COL5A1: variants seen among roughly 807,000 people sequenced by gnomAD.
COL5A1 encodes collagen alpha-1(V) chain.
Under a neutral mutation model 263.7 loss-of-function variants are expected in COL5A1, and 16 were observed. The observed-to-expected ratio is 0.06, with a 90% CI of 0.04 to 0.09. The LOEUF is 0.09. Ranked by LOEUF, COL5A1 falls within the 10% of genes least tolerant of loss-of-function variation. The pLI, the probability that COL5A1 is intolerant of heterozygous loss-of-function variation, is 1.00. For missense variants in COL5A1, 2,036 were observed against 2,540.5 expected, an observed-to-expected ratio of 0.80 and a Z score of 4.27; for synonymous variants, 1,012 against 1,004.5, an observed-to-expected ratio of 1.01 and a Z score of -0.14.
chr9:134,779,768 A>G (rs114380439), intron 27 of COL5A1, among the ~76,000 whole-genome samples: 1 of 152,174 alleles, frequency 6.6e-6, no homozygotes. Context: ...GGGTGTTTCT[A>G]GAAGATGATG....
intron 1 of COL5A1, among the ~76,000 whole-genome samples, chr9:134,690,030 C>G (rs546540442): frequency 1.3e-5 from 2 of 152,240 alleles, no homozygotes; most frequent in South Asian, 2.1e-4. Context: ...GAAGGAGGCT[C>G]TGGCAGATGG....
At chr9:134,810,349 CG>C in intron 44 of COL5A1, 41 bp downstream of exon 44, 1 of 1,600,008 alleles carries the variant, frequency 6.2e-7, no homozygotes. Flanking sequence ...CCCCAGGTCC[CG>C]GGGGGCCTCG....
intron 2 of COL5A1, among the ~76,000 whole-genome samples, chr9:134,693,272 G>A (rs573794542): frequency 1.3e-3 from 198 of 152,200 alleles, no homozygotes; most frequent in African/African-American, 4.6e-3. Context: ...GCAGTGAGCC[G>A]AGATCGCGCC....
rs752571770 is a variant in COL5A1 at position 134,822,719 on chromosome 9, C to T, written c.4609-279C>T. ...AGCCAGGACATGCTCTTTTCCGCTG[C>T]GCCCCCCCCGCGGCTGTCTGAGCTG... On this transcript the variant is annotated intron_variant, in intron 59 of 65. Transcript: ENST00000371817. Among the ~76,000 whole-genome samples the T allele has an allele frequency of 2.2e-4, 13 of 60,424 alleles. No homozygotes were observed. The East Asian group carries it at 2.5e-3, about 12-fold the overall frequency. The allele number at this position is 60,424 out of a possible 152,430, so 39.6% of individuals were successfully genotyped here.
At chr9:134,747,547 G>C (rs992261161) in intron 11 of COL5A1, among the ~76,000 whole-genome samples, 1 of 146,814 alleles carries the variant, frequency 6.8e-6, no homozygotes, top group Non-Finnish European at 1.5e-5. Flanking sequence ...ACACACACCT[G>C]CATATGCATG....
chr9:134,731,687 CCGGG>C, intron 8 of COL5A1, 24 bp downstream of exon 8: 1 of 1,599,288 alleles, frequency 6.3e-7, no homozygotes, highest in Non-Finnish European at 8.5e-7. Flanking sequence ...GGCCCCCGTT[CCGGG>C]TGGGGTTGGG....
chr9:134,808,492 C>T (rs1412957422), intron 42 of COL5A1, among the ~76,000 whole-genome samples: 1 of 152,176 alleles, frequency 6.6e-6, no homozygotes, highest in Non-Finnish European at 1.5e-5. Context: ...CGTGCATACT[C>T]ATGTATGCAT....
At chr9:134,782,539 C>A (rs367595529) in intron 28 of COL5A1, 128 bp from the exon 29 acceptor site, 2 of 878,826 alleles carry the variant, frequency 2.3e-6, no homozygotes, top group Admixed American at 1.7e-5. Context: ...CCACCCCGTC[C>A]GGGCCATGTG....
Position 134,712,960 on chromosome 9 carries a change from G to A in COL5A1, c.654+11627G>A, listed in dbSNP as rs113997722. Among the ~76,000 whole-genome samples the A allele has an allele frequency of 9.2e-3, 1,408 of 152,224 alleles. 19 individuals are homozygous for A. The highest frequency in any genetic ancestry group is 0.028 in the African/African-American group (1,154 of 41,540). ...CTGTGGGTGACCAGGCTGCAGCCGGGGACTCCCAGCACTCCTGGAGCCCTG... is the reference window on the plus strand; with the variant it reads ...CTGTGGGTGACCAGGCTGCAGCCGGAGACTCCCAGCACTCCTGGAGCCCTG... On this transcript the variant is annotated intron_variant, in intron 4 of 65. Transcript: ENST00000371817.
At chr9:134,685,086 A>ATCCGTTCAT (rs1209089051) in intron 1 of COL5A1, among the ~76,000 whole-genome samples, 1 of 41,328 alleles carries the variant, frequency 2.4e-5, no homozygotes, top group African/African-American at 8.4e-5. Flanking sequence ...CCATCCACCC[A>ATCCGTTCAT]CCATCCATCC....
intron 1 of COL5A1, among the ~76,000 whole-genome samples, chr9:134,655,843 T>C (rs1481543127): frequency 6.6e-6 from 1 of 152,176 alleles, no homozygotes; most frequent in Non-Finnish European, 1.5e-5. Context: ...TCAGAGCCTC[T>C]GGCACCTGCA....
chr9:134,714,445 T>G (rs1296819572), intron 4 of COL5A1, among the ~76,000 whole-genome samples: 1 of 20,582 alleles, frequency 4.9e-5, no homozygotes, highest in Non-Finnish European at 1.2e-4. Context: ...TGGTGGTGGA[T>G]ATGCTGATGA....
intron 48 of COL5A1, among the ~76,000 whole-genome samples, chr9:134,813,179 G>A (rs986250013): frequency 7.2e-5 from 11 of 151,850 alleles, no homozygotes; most frequent in Admixed American, 2.0e-4. Flanking sequence ...CTCCATGAGC[G>A]TCATGGACCC....
At chr9:134,778,964 C>T (rs1837157548) in intron 27 of COL5A1, among the ~76,000 whole-genome samples, 1 of 152,264 alleles carries the variant, frequency 6.6e-6, no homozygotes, top group African/African-American at 2.4e-5. Context: ...GGCCAGCCAC[C>T]TCTGCAGAAA....
chr9:134,809,686 A>G (rs1588575335), intron 43 of COL5A1, among the ~76,000 whole-genome samples: 1 of 152,192 alleles, frequency 6.6e-6, no homozygotes, highest in Non-Finnish European at 1.5e-5. Flanking sequence ...TGAATTATCC[A>G]GGCTCCCGTT....
chr9:134,649,987 A>G (rs1262402796), intron 1 of COL5A1, among the ~76,000 whole-genome samples: 1 of 149,096 alleles, frequency 6.7e-6, no homozygotes, highest in East Asian at 2.1e-4. Context: ...TTGAACAATG[A>G]GAACACACGG....
intron 30 of COL5A1, among the ~76,000 whole-genome samples, chr9:134,785,581 C>A (rs1250595620): frequency 2.6e-5 from 4 of 152,202 alleles, no homozygotes; most frequent in Non-Finnish European, 5.9e-5. Context: ...CTGGCTCCAC[C>A]CTGTTTCCAC....
intron 4 of COL5A1, among the ~76,000 whole-genome samples, chr9:134,718,992 T>C (rs1834360999): frequency 1.3e-5 from 2 of 152,192 alleles, no homozygotes; most frequent in African/African-American, 4.8e-5. Flanking sequence ...TCCCGAAGCA[T>C]GCCGGGCACA....
At chr9:134,643,202 A>T (rs1481377514) in intron 1 of COL5A1, among the ~76,000 whole-genome samples, 4 of 152,002 alleles carry the variant, frequency 2.6e-5, no homozygotes, top group African/African-American at 9.7e-5. Flanking sequence ...TTTTCTAGGC[A>T]TCGCTCTTGG....
Sources: allele counts gnomAD v4.1 joint callset (sites outside exome capture counted in the v4.1 genomes callset), GRCh38; gene constraint gnomAD v4.1.1; transcripts MANE v1.5; gene names NCBI Gene and HGNC (gene_info 2026-07-23, HGNC 2026-07-21).